Variants in EYA2 observed in about 807,000 individuals in gnomAD.
EYA2 encodes EYA transcriptional coactivator and phosphatase 2, also known as protein phosphatase EYA2.
A neutral mutation model predicts 69.2 loss-of-function variants in EYA2; 31 were observed. The ratio of observed to expected loss-of-function variants is 0.45; its 90% CI spans 0.34 to 0.60. EYA2 has a LOEUF of 0.60. Ranked by LOEUF, EYA2 falls within the 20% of genes least tolerant of loss-of-function variation. The pLI is 0.02. For missense variants in EYA2, 622 were observed against 701.2 expected, an observed-to-expected ratio of 0.89 and a Z score of 1.28; for synonymous variants, 257 against 279.4, an observed-to-expected ratio of 0.92 and a Z score of 0.80.
intron 5 of EYA2, among the ~76,000 whole-genome samples, chr20:47,030,218 C>T (rs1167566416): frequency 6.6e-6 from 1 of 152,198 alleles, no homozygotes; most frequent in Non-Finnish European, 1.5e-5. Flanking sequence ...GAATGGTCTT[C>T]CTTTTGCTGG....
intron 1 of EYA2, among the ~76,000 whole-genome samples, chr20:46,930,780 A>G (rs901559182): frequency 3.3e-5 from 5 of 152,192 alleles, no homozygotes; most frequent in African/African-American, 1.2e-4. Flanking sequence ...GCCACATGGG[A>G]GGAAGCAAGC....
At chr20:47,094,041 A>G (rs555128014) in intron 8 of EYA2, among the ~76,000 whole-genome samples, 3 of 152,346 alleles carry the variant, frequency 2.0e-5, no homozygotes, top group South Asian at 2.1e-4. Context: ...CCCATGGTTA[A>G]GGACGCACCC....
At chr20:46,993,688 G>A (rs994467292) in intron 2 of EYA2, among the ~76,000 whole-genome samples, 5 of 152,218 alleles carry the variant, frequency 3.3e-5, no homozygotes, top group African/African-American at 1.2e-4. Context: ...TGACGATAAA[G>A]AAGCAAAGTA....
intron 1 of EYA2, among the ~76,000 whole-genome samples, chr20:46,964,587 G>C (rs1979664935): frequency 6.6e-6 from 1 of 152,204 alleles, no homozygotes; most frequent in African/African-American, 2.4e-5. Context: ...GGTATCCCAG[G>C]CATGGCAGAT....
intron 4 of EYA2, among the ~76,000 whole-genome samples, chr20:47,014,933 G>C (rs990212347): frequency 6.6e-6 from 1 of 151,954 alleles, no homozygotes; most frequent in African/African-American, 2.4e-5. Flanking sequence ...GAATAAGGAA[G>C]AACTTTATAA....
At chr20:47,065,908 C>T (rs1467791098) in intron 5 of EYA2, among the ~76,000 whole-genome samples, 2 of 152,160 alleles carry the variant, frequency 1.3e-5, no homozygotes, top group Non-Finnish European at 2.9e-5. Context: ...GTCTCTCTTA[C>T]CTGAATGTCA....
intron 5 of EYA2, among the ~76,000 whole-genome samples, chr20:47,066,911 T>C (rs1206811): frequency 0.8 from 121,895 of 152,050 alleles, 49,526 homozygotes; most frequent in African/African-American, 0.94. Flanking sequence ...AGCACCAAGC[T>C]GGGTCTGTTT....
chr20:47,084,177 C>T (rs1184689684), intron 7 of EYA2, among the ~76,000 whole-genome samples: 2 of 151,914 alleles, frequency 1.3e-5, no homozygotes, highest in East Asian at 1.9e-4. Context: ...ACCCAGGAGG[C>T]GGAGGTTGCA....
At position 47,016,262 on chromosome 20, in the gene EYA2, C is replaced by G; in HGVS notation, c.380C>G (p.Pro127Arg). The G allele has an allele frequency of 1.2e-6, 2 of 1,614,160 alleles. No individual in the cohort carries two copies. The highest frequency in any genetic ancestry group is 1.7e-6 in the Non-Finnish European group (2 of 1,180,006). The part of the protein sequence containing the change: ...LSYGSSFSTS[P>R]TGQSPYTYQM... ...TATGGCTCCAGCTTCAGCACCTCAC[C>G]CACTGGACAGAGCCCATACACCTAC... Residue 127 changes from proline (P) to arginine (R), a missense_variant, in exon 5 of 16, where the codon CCC becomes CGC. Pro to Arg is a moderately radical substitution (Grantham distance 103). Coordinates refer to ENST00000327619, the MANE Select transcript of EYA2 (RefSeq NM_005244.5).
At position 47,015,243 on chromosome 20, in the gene EYA2, G is replaced by A. The variant is rs116700378; in HGVS notation, c.299-938G>A. Among the ~76,000 whole-genome samples the A allele has an allele frequency of 9.5e-3, 1,451 of 152,278 alleles. 17 individuals carry two copies. The highest frequency in any genetic ancestry group is 0.031 in the African/African-American group (1,307 of 41,546). ...TTGTACTATTGGAATTTTCTACAATGCATTCATTACATTTTCAGTAAAAAT... is the reference window on the plus strand; with the variant it reads ...TTGTACTATTGGAATTTTCTACAATACATTCATTACATTTTCAGTAAAAAT... On this transcript the variant is annotated intron_variant, in intron 4 of 15. Coordinates refer to ENST00000327619, the MANE Select transcript of EYA2 (RefSeq NM_005244.5).
intron 5 of EYA2, among the ~76,000 whole-genome samples, chr20:47,032,271 G>T (rs551331732): frequency 6.6e-6 from 1 of 152,156 alleles, no homozygotes; most frequent in Non-Finnish European, 1.5e-5. Flanking sequence ...CCCTGGGCCC[G>T]GGGAACATGC....
intron 1 of EYA2, among the ~76,000 whole-genome samples, chr20:46,949,348 A>T (rs960689738): frequency 1.3e-5 from 2 of 152,230 alleles, no homozygotes; most frequent in African/African-American, 2.4e-5. Context: ...TTAACACTTT[A>T]ACAGCTGTCC....
At chr20:47,100,816 A>G (rs186865981) in intron 9 of EYA2, among the ~76,000 whole-genome samples, 22 of 152,358 alleles carry the variant, frequency 1.4e-4, no homozygotes, top group Admixed American at 9.8e-4. Context: ...GAGACCCAAA[A>G]TAATTGTGAC....
intron 7 of EYA2, among the ~76,000 whole-genome samples, chr20:47,081,719 C>T (rs2031725767): frequency 6.9e-6 from 1 of 143,978 alleles, no homozygotes; most frequent in Non-Finnish European, 1.5e-5. Context: ...GCAGAGGTTG[C>T]AGCGAGCCAA....
chr20:47,096,222 A>C (rs1188747536), intron 8 of EYA2: 1 of 152,232 alleles, frequency 6.6e-6, no homozygotes, highest in Non-Finnish European at 1.5e-5. Flanking sequence ...GACATTGGAC[A>C]CATAGAGAAG....
chr20:46,908,046 TCTC>T (rs1984449248), intron 1 of EYA2, among the ~76,000 whole-genome samples: 1 of 152,200 alleles, frequency 6.6e-6, no homozygotes, highest in Non-Finnish European at 1.5e-5. Context: ...CATTCACCAT[TCTC>T]CTCCACTGTG....
intron 5 of EYA2, among the ~76,000 whole-genome samples, chr20:47,023,897 C>T (rs148716374): frequency 2.2e-4 from 34 of 152,210 alleles, no homozygotes; most frequent in African/African-American, 7.9e-4. Flanking sequence ...CTCAGCCTCC[C>T]AAAGTGCTAG....
chr20:47,077,509 T>C (rs2031558960), intron 7 of EYA2, among the ~76,000 whole-genome samples: 1 of 152,184 alleles, frequency 6.6e-6, no homozygotes, highest in Non-Finnish European at 1.5e-5. Context: ...GTGGAGACAG[T>C]CATCAACAAA....
chr20:47,163,928 G>A (rs973322231), intron 10 of EYA2, among the ~76,000 whole-genome samples: 3 of 152,002 alleles, frequency 2.0e-5, no homozygotes, highest in African/African-American at 2.4e-5. Context: ...ACCAGGTCCC[G>A]GTCCTCAGCC....
Sources: gnomAD v4.1 joint callset for allele counts (sites outside exome capture counted in the v4.1 genomes callset) on GRCh38, gnomAD v4.1.1 for gene constraint, MANE v1.5 for transcripts, NCBI Gene and HGNC (gene_info 2026-07-23, HGNC 2026-07-21) for gene names.